CD5L: variants seen among roughly 807,000 people sequenced by gnomAD.
CD5L encodes the protein CD5 antigen-like.
A neutral mutation model predicts 40.8 loss-of-function variants in CD5L; 39 were observed. The ratio of observed to expected loss-of-function variants is 0.96; its 90% CI spans 0.74 to 1.25. The LOEUF (loss-of-function observed/expected upper bound fraction) is 1.25, where lower values mean the gene tolerates loss of function less well. Among genes scored for constraint, CD5L ranks in the 50% most tolerant of loss-of-function variants. CD5L has a pLI of 0.00. For missense variants in CD5L, 433 were observed against 435.9 expected (o/e 0.99, Z 0.06); for synonymous variants, 192 against 169.6 (o/e 1.13, Z -1.03).
chr1:157,832,725 T>C (rs1656081576), intron 5 of CD5L, among the ~76,000 whole-genome samples: 2 of 152,184 alleles, frequency 1.3e-5, no homozygotes, highest in Non-Finnish European at 2.9e-5. Flanking sequence ...CCCTCTTTGA[T>C]AGTTTAACTT....
chr1:157,829,017 C>T (rs187464591), downstream of CD5L, among the ~76,000 whole-genome samples: 583 of 152,326 alleles, frequency 3.8e-3, 3 homozygotes, highest in African/African-American at 0.013. Flanking sequence ...CATGTCTAAA[C>T]AGAGCTTCTG....
downstream of CD5L, among the ~76,000 whole-genome samples, chr1:157,829,378 G>A (rs924640041): frequency 6.6e-6 from 1 of 152,202 alleles, no homozygotes; most frequent in Non-Finnish European, 1.5e-5. Context: ...AGAGGAAAGA[G>A]GAAGCATGAA....
rs1319045222 is a variant in CD5L, at chr1:157,831,536, AT to A, written c.*427del. 1.0e-6 allele frequency: 1 copy of A among 995,138 alleles called. No homozygotes were observed. The highest frequency in any genetic ancestry group is 1.2e-6 in the Non-Finnish European group (1 of 836,814). 61.6% of individuals were successfully genotyped at this position (995,138 alleles called of 1,614,324 possible). On this transcript the variant is annotated 3_prime_UTR_variant, in exon 6 of 6. Transcript: ENST00000368174. ...ACATTTTCTTTCAAATGTTCCTTTC[AT>A]TGTTTCATTCCTTTAATGTTTGCAG...
intron 4 of CD5L, among the ~76,000 whole-genome samples, chr1:157,833,987 T>C (rs187820873): frequency 6.6e-6 from 1 of 152,220 alleles, no homozygotes; most frequent in Admixed American, 6.5e-5. Flanking sequence ...TGATTAGAGC[T>C]CCTTCTGTAG....
chr1:157,839,066 C>T (rs1056401473), intron 2 of CD5L, among the ~76,000 whole-genome samples: 51 of 152,346 alleles, frequency 3.3e-4, no homozygotes, highest in African/African-American at 1.1e-3. Flanking sequence ...AAAGGAAGTT[C>T]ATTTTTCAGG....
chr1:157,839,343 A>T, intron 2 of CD5L, 41 bp downstream of exon 2: 2 of 1,606,646 alleles, frequency 1.2e-6, no homozygotes, highest in Non-Finnish European at 1.7e-6. Context: ...TCCCTCTCCT[A>T]AGCTTGAGGC....
At position 157,831,634 on chromosome 1, in the gene CD5L, G is replaced by T; in HGVS notation, c.*330C>A. 1 of 1,136,918 alleles carries T rather than the reference G, an allele frequency of 8.8e-7. No homozygotes were observed. The highest frequency in any genetic ancestry group is 1.1e-6 in the Non-Finnish European group (1 of 927,828). The allele number at this position is 1,136,918 out of a possible 1,614,324, so 70.4% of individuals were successfully genotyped here. A position where few individuals can be genotyped will look rare whatever the true frequency, so the allele number is the denominator to read the frequency against. On this transcript the variant is annotated 3_prime_UTR_variant, in exon 6 of 6. Transcript: ENST00000368174. ...GACCTTAGTAATGGTCTGCACATCT[G>T]ACCAAAGTGACAGGTTTGAGGATTC...
In CD5L at chr1:157,834,605, C is replaced by G. The variant is rs917371867; in HGVS notation, c.520G>C (p.Val174Leu). Residue 174 changes from valine (V) to leucine (L), a missense_variant, in exon 4 of 6, where the codon GTG becomes CTG. Physicochemically the swap from Val to Leu is conservative, Grantham distance 32. Coordinates refer to ENST00000368174, the MANE Select transcript of CD5L (RefSeq NM_005894.3). ...QTGWSLRAAKVVCRQLGCGRA... is the reference protein window; with the variant it reads ...QTGWSLRAAKLVCRQLGCGRA... ...CCACATCCCAGCTGCCGGCACACCA[C>G]CTTTGCGGCCCGGAGGCTCCAGCCT... 5 of 1,614,208 alleles carry G rather than the reference C, an allele frequency of 3.1e-6. No individual in the cohort carries two copies. The highest frequency in any genetic ancestry group is 4.2e-6 in the Non-Finnish European group (5 of 1,180,044).
chr1:157,836,216 G>A (rs2765503), intron 2 of CD5L, 61 bp from the exon 3 acceptor site: 1,006,361 of 1,388,152 alleles, frequency 0.72, 365,947 homozygotes, highest in South Asian at 0.84. Context: ...CCTTAGGCAT[G>A]TACTCAGTCA....
chr1:157,836,660 C>A (rs1656223884), intron 2 of CD5L, among the ~76,000 whole-genome samples: 1 of 152,184 alleles, frequency 6.6e-6, no homozygotes, highest in Non-Finnish European at 1.5e-5. Context: ...CTGTCTCTCT[C>A]CATGGAAGTC....
chr1:157,828,626 T>C (rs890948929), downstream of CD5L, among the ~76,000 whole-genome samples: 1 of 152,198 alleles, frequency 6.6e-6, no homozygotes, highest in African/African-American at 2.4e-5. Flanking sequence ...CCCAGAGAGA[T>C]GGAGACTCAG....
chr1:157,831,283 T>C lies in CD5L; in HGVS notation c.*681A>G, dbSNP rs374847728. On this transcript the variant is annotated 3_prime_UTR_variant, in exon 6 of 6. Transcript: ENST00000368174. ...TGTATAGGGATGGACAACAAAGATT[T>C]TTATTGGGGCAATCAGAGGATGAAA... 19 of 985,364 alleles carry C rather than the reference T, an allele frequency of 1.9e-5. No homozygotes were observed. In the East Asian group the frequency reaches 1.7e-3, roughly 88 times the overall value. The allele number at this position is 985,364 out of a possible 1,614,324, so 61.0% of individuals were successfully genotyped here.
intron 2 of CD5L, among the ~76,000 whole-genome samples, chr1:157,838,971 A>C (rs958144268): frequency 6.6e-6 from 1 of 152,246 alleles, no homozygotes; most frequent in African/African-American, 2.4e-5. Flanking sequence ...TGCTGCAAGC[A>C]ACAATGCATT....
At chr1:157,838,927 GA>G (rs1656290959) in intron 2 of CD5L, among the ~76,000 whole-genome samples, 1 of 152,204 alleles carries the variant, frequency 6.6e-6, no homozygotes, top group Non-Finnish European at 1.5e-5. Flanking sequence ...CCCCGAGCAG[GA>G]AATCCAGCCT....
intron 4 of CD5L, among the ~76,000 whole-genome samples, 171 bp from the exon 5 acceptor site, chr1:157,833,683 G>A (rs902783037): frequency 2.0e-5 from 3 of 151,720 alleles, no homozygotes; most frequent in Admixed American, 2.0e-4. Flanking sequence ...ACCACTCATT[G>A]CAGCCTCAAC....
chr1:157,836,519 T>C (rs1274231252), intron 2 of CD5L, among the ~76,000 whole-genome samples: 1 of 152,196 alleles, frequency 6.6e-6, no homozygotes, highest in African/African-American at 2.4e-5. Context: ...GTCCACCCCA[T>C]TATTTCACAG....
chr1:157,827,556 TA>T (rs1431677675), downstream of CD5L, among the ~76,000 whole-genome samples: 1 of 152,142 alleles, frequency 6.6e-6, no homozygotes, highest in Non-Finnish European at 1.5e-5. Flanking sequence ...ATGTAGACAG[TA>T]AATGCTCCCT....
rs780530502 is a variant in CD5L, at chr1:157,833,348, A to G, written c.883T>C (p.Phe295Leu). The part of the protein sequence containing the change: ...LGCGKSLSPS[F>L]RDRKCYGPGV... The stretch of plus-strand genomic sequence containing the variant: ...GGGCCATAGCATTTCCGGTCTCTGA[A>G]GGAGGGAGAGAGGGACTTCCCACAG... The change falls in exon 5 of 6, where the codon TTC becomes CTC. Residue 295 changes from phenylalanine (F) to leucine (L), a missense_variant. Coordinates refer to ENST00000368174, the MANE Select transcript of CD5L (RefSeq NM_005894.3). 1.9e-6 allele frequency: 3 copies of G among 1,614,062 alleles called. No homozygotes were observed. In the Admixed American group the frequency reaches 5.0e-5, roughly 27 times the overall value.
Position 157,841,679 on chromosome 1 carries a change from A to T in CD5L, c.23T>A (p.Ile8Asn). 3 of 1,613,308 alleles carry T rather than the reference A, an allele frequency of 1.9e-6. No homozygotes were observed. Among genetic ancestry groups the T allele is most frequent in the Admixed American group, 1.7e-5 (1 of 59,930 alleles). ...ACAGGTGCAGAGATACTCACCAAGGATCAAGGAGAATAGCAGAGCCATGAC... is the reference window on the plus strand; with the variant it reads ...ACAGGTGCAGAGATACTCACCAAGGTTCAAGGAGAATAGCAGAGCCATGAC... MALLFSL[I>N]LAICTRPGFL... The change falls in exon 1 of 6, where the codon ATC (isoleucine) becomes AAC (asparagine). Residue 8 changes from isoleucine (I) to asparagine (N), a missense_variant. By Grantham distance (149) the Ile-to-Asn change is moderately radical. Coordinates refer to ENST00000368174, the MANE Select transcript of CD5L (RefSeq NM_005894.3).
Sources: allele counts gnomAD v4.1 joint callset (sites outside exome capture counted in the v4.1 genomes callset), GRCh38; gene constraint gnomAD v4.1.1; transcripts MANE v1.5; gene names NCBI Gene and HGNC (gene_info 2026-07-23, HGNC 2026-07-21).